IQCB1: variants seen among roughly 807,000 people sequenced by gnomAD.
IQCB1 encodes IQ motif containing B1, also known as IQ calmodulin-binding motif-containing protein 1.
A neutral mutation model predicts 84.4 loss-of-function variants in IQCB1; 56 were observed. The observed-to-expected ratio is 0.66, with a 90% confidence interval of 0.54 to 0.83. IQCB1 has a LOEUF of 0.83. Ranked by LOEUF, IQCB1 falls within the 40% of genes least tolerant of loss-of-function variation. The probability of loss-of-function intolerance (pLI) is 0.00; values close to 1 mark genes in which losing one functional copy is unlikely to be tolerated. For missense variants in IQCB1, 629 were observed against 682.1 expected, an observed-to-expected ratio of 0.92 and a Z score of 0.87; for synonymous variants, 210 against 234.8, an observed-to-expected ratio of 0.89 and a Z score of 0.96.
intron 13 of IQCB1, 73 bp downstream of exon 13, chr3:121,781,668 ATG>A (rs1559755552): frequency 4.7e-4 from 523 of 1,124,434 alleles, no homozygotes; most frequent in Non-Finnish European, 5.8e-4. Context: ...CACACAATAT[ATG>A]TGTGTGTGTG....
At chr3:121,789,343 T>G (rs1948863677) in intron 11 of IQCB1, among the ~76,000 whole-genome samples, 1 of 152,244 alleles carries the variant, frequency 6.6e-6, no homozygotes, top group Non-Finnish European at 1.5e-5. Flanking sequence ...ATATACAACC[T>G]TTCATTTTTG....
intron 13 of IQCB1, among the ~76,000 whole-genome samples, chr3:121,773,118 T>C (rs113175964): frequency 1.3e-5 from 2 of 151,076 alleles, no homozygotes; most frequent in African/African-American, 4.9e-5. Flanking sequence ...AGGTCAGGAG[T>C]TCAAGACCAG....
chr3:121,773,891 AC>A (rs1332511594), intron 13 of IQCB1, among the ~76,000 whole-genome samples: 1 of 152,068 alleles, frequency 6.6e-6, no homozygotes, highest in African/African-American at 2.4e-5. Context: ...AAAAAAAACA[AC>A]AACAAAAACC....
In IQCB1 at chr3:121,826,033, G is replaced by A; in HGVS notation, c.393+18C>T. The A allele has an allele frequency of 6.2e-7, 1 of 1,603,412 alleles. No homozygotes were observed. Among genetic ancestry groups the A allele is most frequent in the East Asian group, 2.2e-5 (1 of 44,774 alleles). On this transcript the variant is annotated intron_variant, in intron 5 of 14. Coordinates refer to ENST00000310864, the MANE Select transcript of IQCB1 (RefSeq NM_001023570.4). ...GAATTAAACTGATTTAGCTACAAAAGACTAAATAAACACATACCTTAGCTG... is the reference window on the plus strand; with the variant it reads ...GAATTAAACTGATTTAGCTACAAAAAACTAAATAAACACATACCTTAGCTG...
At chr3:121,824,078 A>T (rs1950368770) in intron 5 of IQCB1, among the ~76,000 whole-genome samples, 1 of 152,242 alleles carries the variant, frequency 6.6e-6, no homozygotes, top group Non-Finnish European at 1.5e-5. Flanking sequence ...ACAATACGCT[A>T]TTTAAAACAG....
chr3:121,784,890 T>C (rs1016827579), intron 12 of IQCB1, among the ~76,000 whole-genome samples: 5 of 152,002 alleles, frequency 3.3e-5, no homozygotes, highest in African/African-American at 4.8e-5. Context: ...CCTAAGCTGG[T>C]CTCAAACTCC....
chr3:121,824,259 C>T (rs1295690729), intron 5 of IQCB1, among the ~76,000 whole-genome samples: 1 of 151,960 alleles, frequency 6.6e-6, no homozygotes, highest in African/African-American at 2.4e-5. Flanking sequence ...AAACTGAGAC[C>T]AGCTACTAAG....
At chr3:121,811,637 T>C (rs113535355) in intron 5 of IQCB1, among the ~76,000 whole-genome samples, 15,648 of 152,090 alleles carry the variant, frequency 0.1, 859 homozygotes, top group South Asian at 0.15. Flanking sequence ...CCCCTCACAG[T>C]GTTAAGGAAG....
intron 5 of IQCB1, among the ~76,000 whole-genome samples, chr3:121,812,126 G>A (rs190163923): frequency 3.3e-5 from 5 of 152,288 alleles, no homozygotes; most frequent in Admixed American, 6.5e-5. Context: ...CTGATACCCA[G>A]GCAAACAGGG....
chr3:121,797,454 A>T (rs1457798091), intron 8 of IQCB1, among the ~76,000 whole-genome samples: 1 of 19,934 alleles, frequency 5.0e-5, no homozygotes, highest in African/African-American at 3.0e-4. Context: ...GTATCTGATA[A>T]AAAAAAAAAA....
rs1949199749 is a variant in IQCB1, at chr3:121,796,514, A to G, written c.876+604T>C. Among the ~76,000 whole-genome samples the G allele has an allele frequency of 2.0e-5, 3 of 152,264 alleles. No homozygotes were observed. The South Asian group carries it at 6.2e-4, about 32-fold the overall frequency. On this transcript the variant is annotated intron_variant, in intron 9 of 14. Coordinates refer to ENST00000310864, the MANE Select transcript of IQCB1 (RefSeq NM_001023570.4). Reference sequence around the variant, plus strand: ...TGAGTATGCTAGAGGAAGTATGATGAAATAATCAATAACTTGCTGCCTCAA... The same window carrying G: ...TGAGTATGCTAGAGGAAGTATGATGGAATAATCAATAACTTGCTGCCTCAA...
At chr3:121,824,753 T>G (rs1169183839) in intron 5 of IQCB1, among the ~76,000 whole-genome samples, 1 of 151,958 alleles carries the variant, frequency 6.6e-6, no homozygotes, top group Non-Finnish European at 1.5e-5. Flanking sequence ...AAGACAGAAT[T>G]AGACAAATCC....
At chr3:121,772,437 T>A (rs1379240183) in intron 14 of IQCB1, 120 bp downstream of exon 14, 3 of 954,030 alleles carry the variant, frequency 3.1e-6, no homozygotes, top group East Asian at 2.4e-5. Context: ...TGTAGAAATT[T>A]CCTGAGGTTA....
At chr3:121,824,519 C>T (rs1387904353) in intron 5 of IQCB1, among the ~76,000 whole-genome samples, 1 of 149,214 alleles carries the variant, frequency 6.7e-6, no homozygotes, top group African/African-American at 2.5e-5. Context: ...ACTGGAGTGG[C>T]AATATTCGTA....
chr3:121,778,388 A>C (rs1397651643), intron 13 of IQCB1, among the ~76,000 whole-genome samples: 1 of 146,402 alleles, frequency 6.8e-6, no homozygotes, highest in Admixed American at 6.9e-5. Context: ...GTAAATGTGC[A>C]TTTTTACTCC....
chr3:121,830,138 G>A (rs184652525), intron 2 of IQCB1, among the ~76,000 whole-genome samples: 60 of 152,198 alleles, frequency 3.9e-4, no homozygotes, highest in African/African-American at 1.4e-3. Flanking sequence ...CTAGGAGGTG[G>A]AGGTTGAGTG....
chr3:121,795,592 A>C (rs747238557), intron 9 of IQCB1, 26 bp from the exon 10 acceptor site: 7 of 1,345,400 alleles, frequency 5.2e-6, no homozygotes, highest in Middle Eastern at 1.8e-4. Context: ...TAATTTAGAG[A>C]TATCTCTAGG....
intron 13 of IQCB1, among the ~76,000 whole-genome samples, chr3:121,781,395 A>G (rs1948486404): frequency 1.3e-5 from 2 of 152,192 alleles, no homozygotes; most frequent in Admixed American, 1.3e-4. Flanking sequence ...AAGAATGAAT[A>G]ATCATTGATT....
rs1344522248 is a variant in IQCB1, at chr3:121,799,131, T to C, written c.766+65A>G. On this transcript the variant is annotated intron_variant, in intron 8 of 14. Coordinates refer to ENST00000310864, the MANE Select transcript of IQCB1 (RefSeq NM_001023570.4). ...CTTTAAAATATAAGAATTTTGTTTT[T>C]CATAAACCATCAATAAAAATTTTCT... The C allele has an allele frequency of 7.1e-6, 9 of 1,269,494 alleles. No homozygotes were observed. In the East Asian group the frequency reaches 2.1e-4, roughly 30 times the overall value. The allele number at this position is 1,269,494 out of a possible 1,614,324, so 78.6% of individuals were successfully genotyped here. A position where few individuals can be genotyped will look rare whatever the true frequency, so the allele number is the denominator to read the frequency against.
Sources: allele counts gnomAD v4.1 joint callset (sites outside exome capture counted in the v4.1 genomes callset), GRCh38; gene constraint gnomAD v4.1.1; transcripts MANE v1.5; gene names NCBI Gene and HGNC (gene_info 2026-07-23, HGNC 2026-07-21).